The following GSN variants were observed in gnomAD, a reference collection of about 807,000 sequenced individuals.
GSN encodes the protein actin-depolymerizing factor.
In GSN, 56 loss-of-function variants were observed where a neutral mutation model predicts 85.7. That is an observed-to-expected ratio of 0.65 (90% CI 0.53 to 0.82). GSN has a LOEUF of 0.82. GSN is among the 40% of genes least tolerant of loss of function. The pLI, the probability that GSN is intolerant of heterozygous loss-of-function variation, is 0.00. For missense variants in GSN, 857 were observed against 979.8 expected (o/e 0.87, Z 1.67); for synonymous variants, 373 against 399.1 (o/e 0.93, Z 0.78).
intron 6 of GSN, chr9:121,313,212 T>A (rs1388627813): frequency 6.5e-6 from 1 of 154,824 alleles, no homozygotes; most frequent in Non-Finnish European, 1.4e-5. Context: ...TTTCTGGTAG[T>A]TTTTGGCCCA....
chr9:121,303,540 T>C (rs982684753), intron 4 of GSN, among the ~76,000 whole-genome samples: 2 of 152,174 alleles, frequency 1.3e-5, no homozygotes, highest in African/African-American at 4.8e-5. Context: ...CTCTTCAGAG[T>C]CTGGATCAAG....
At position 121,279,072 on chromosome 9, in the gene GSN, G is replaced by T. The variant is rs553624951; in HGVS notation, c.-102-2398G>T. Reference sequence around the variant, plus strand: ...GGGATACATGGGAGCAATTGGGGAGGCTGACTTGCAAATAGACTATTACAG... The same window carrying T: ...GGGATACATGGGAGCAATTGGGGAGTCTGACTTGCAAATAGACTATTACAG... On this transcript the variant is annotated intron_variant, in intron 1 of 17. Transcript: ENST00000432226. Among the ~76,000 whole-genome samples, 26 of 152,318 alleles carry T rather than the reference G, an allele frequency of 1.7e-4. 1 individual carries two copies. In the South Asian group the frequency reaches 5.4e-3, roughly 32 times the overall value.
At chr9:121,288,550 C>A (rs936702589) in intron 2 of GSN, among the ~76,000 whole-genome samples, 1 of 152,152 alleles carries the variant, frequency 6.6e-6, no homozygotes, top group Non-Finnish European at 1.5e-5. Flanking sequence ...TACTTTAATC[C>A]TCGGTGAATG....
chr9:121,231,005 T>C (rs1020725662), intron 4 of GSN, among the ~76,000 whole-genome samples: 1 of 152,188 alleles, frequency 6.6e-6, no homozygotes, highest in Non-Finnish European at 1.5e-5. Flanking sequence ...GAGCACCTAC[T>C]ACGTGCAGGG....
In GSN at chr9:121,332,430, G is replaced by A. The variant is rs767198984; in HGVS notation, c.2027-4G>A. On this transcript the variant is annotated splice_region_variant and splice_polypyrimidine_tract_variant and intron_variant, in intron 17 of 17. Transcript: ENST00000432226. The surrounding 1 kb of genome is among the most constrained non-coding windows in gnomAD (Gnocchi z 4.8). ...GTTTCCTTTTCTTGCACGTGTGTCT[G>A]CAGCTAAGCGGTACATCGAGACGGA... The A allele has an allele frequency of 6.2e-7, 1 of 1,613,752 alleles. No homozygotes were observed. The highest frequency in any genetic ancestry group is 1.3e-5 in the African/African-American group (1 of 74,926).
rs922767457 is a variant in GSN at position 121,239,024 on chromosome 9, G to A, written c.-389+7721G>A. Reference sequence around the variant, plus strand: ...TGTAGCTGTCTGTCCACATAGATCTGTCCCAGTCAGTTCAGAGATGGGTGA... The same window carrying A: ...TGTAGCTGTCTGTCCACATAGATCTATCCCAGTCAGTTCAGAGATGGGTGA... On this transcript the variant is annotated intron_variant, in intron 5 of 24. Transcript: ENST00000373823. 10 of 487,054 alleles carry A rather than the reference G, an allele frequency of 2.1e-5. No individual in the cohort carries two copies. The Admixed American group carries it at 2.1e-4, about 10-fold the overall frequency. The allele number at this position is 487,054 out of a possible 1,614,324, so 30.2% of individuals were successfully genotyped here.
chr9:121,287,843 A>C (rs1049116513), intron 2 of GSN, among the ~76,000 whole-genome samples: 2 of 152,192 alleles, frequency 1.3e-5, no homozygotes, highest in African/African-American at 2.4e-5. Flanking sequence ...TCCAGTTGAG[A>C]AGATTTTCAT....
rs11550202 is a variant in GSN, at chr9:121,332,745, A to G, written c.*142A>G. 1 of 631,750 alleles carries G rather than the reference A, an allele frequency of 1.6e-6. No individual in the cohort carries two copies. The highest frequency in any genetic ancestry group is 2.7e-6 in the Non-Finnish European group (1 of 369,612). 39.1% of individuals were successfully genotyped at this position (631,750 alleles called of 1,614,324 possible). A position where few individuals can be genotyped will look rare whatever the true frequency, so the allele number is the denominator to read the frequency against. On this transcript the variant is annotated 3_prime_UTR_variant, in exon 18 of 18. Transcript: ENST00000432226. This position sits in a 1 kb window ranked among gnomAD's most constrained non-coding sequence, Gnocchi z 4.8. ...TGTTTCTTTTTTTTTTTTTTACAGT[A>G]TCCAAAAATAGCCCTGCAAAAATTC...
In GSN at chr9:121,319,762, G is replaced by C. The variant is rs766226039; in HGVS notation, c.1191+882G>C. Among the ~76,000 whole-genome samples the C allele has an allele frequency of 6.4e-4, 97 of 152,160 alleles. 1 individual carries two copies. Among genetic ancestry groups the C allele is most frequent in the Admixed American group, 1.6e-3 (24 of 15,284 alleles). On this transcript the variant is annotated intron_variant, in intron 10 of 17. Coordinates refer to ENST00000432226, the MANE Select transcript of GSN (RefSeq NM_198252.3). ...AATGGATTGGAGGCAGGAAAATGAA[G>C]GTAGAGAGCTTATAAGGAGCTTGTT...
At position 121,313,919 on chromosome 9, in the gene GSN, C is replaced by T; in HGVS notation, c.664-15C>T. Reference sequence around the variant, plus strand: ...TCACAGCCACCCTTCCTCTCCATCTCTCTATCTCCTACAGGTGCTGGGCCC... The same window carrying T: ...TCACAGCCACCCTTCCTCTCCATCTTTCTATCTCCTACAGGTGCTGGGCCC... On this transcript the variant is annotated splice_polypyrimidine_tract_variant and intron_variant, in intron 6 of 17. Coordinates refer to ENST00000432226, the MANE Select transcript of GSN (RefSeq NM_198252.3). 2 of 1,603,286 alleles carry T rather than the reference C, an allele frequency of 1.2e-6. No homozygotes were observed. Among genetic ancestry groups the T allele is most frequent in the African/African-American group, 2.7e-5 (2 of 74,844 alleles).
At position 121,332,756 on chromosome 9, in the gene GSN, G is replaced by A. The variant is rs951519707; in HGVS notation, c.*153G>A. ...TTTTTTTTTACAGTATCCAAAAATAGCCCTGCAAAAATTCAGAGTCCTTGC... is the reference window on the plus strand; with the variant it reads ...TTTTTTTTTACAGTATCCAAAAATAACCCTGCAAAAATTCAGAGTCCTTGC... On this transcript the variant is annotated 3_prime_UTR_variant, in exon 18 of 18. Transcript: ENST00000432226. The surrounding 1 kb of genome is among the most constrained non-coding windows in gnomAD (Gnocchi z 4.8). 1.8e-5 allele frequency: 11 copies of A among 620,300 alleles called. No individual in the cohort carries two copies. The African/African-American group carries it at 1.9e-4, about 10-fold the overall frequency. 38.4% of individuals were successfully genotyped at this position (620,300 alleles called of 1,614,324 possible). A position where few individuals can be genotyped will look rare whatever the true frequency, so the allele number is the denominator to read the frequency against.
At chr9:121,219,476 A>G (rs2054127498) in intron 4 of GSN, among the ~76,000 whole-genome samples, 1 of 152,164 alleles carries the variant, frequency 6.6e-6, no homozygotes, top group Non-Finnish European at 1.5e-5. Context: ...AGAACAGCAC[A>G]TTCCAGGCAG....
At chr9:121,331,985 G>C (rs903942336) in intron 17 of GSN, 4 of 229,342 alleles carry the variant, frequency 1.7e-5, no homozygotes, top group African/African-American at 9.0e-5. Flanking sequence ...GAGCCCAGGA[G>C]TTCACGGCTG....
chr9:121,290,831 T>A (rs1279991058), intron 2 of GSN, among the ~76,000 whole-genome samples: 7 of 152,188 alleles, frequency 4.6e-5, no homozygotes, highest in Admixed American at 4.6e-4. Flanking sequence ...TATTTTTAAA[T>A]TTTTATTTTT....
At chr9:121,275,844 G>A (rs1055980471) in intron 1 of GSN, among the ~76,000 whole-genome samples, 1 of 152,134 alleles carries the variant, frequency 6.6e-6, no homozygotes. Flanking sequence ...CAGAAATGTG[G>A]GATTTCAGAC....
intron 1 of GSN, among the ~76,000 whole-genome samples, chr9:121,275,765 G>A (rs952836497): frequency 1.3e-5 from 2 of 152,188 alleles, no homozygotes; most frequent in African/African-American, 2.4e-5. Flanking sequence ...ATTCATGGTT[G>A]CATAAAATAT....
intron 6 of GSN, among the ~76,000 whole-genome samples, chr9:121,250,023 A>G (rs781116314): frequency 1.3e-5 from 2 of 152,132 alleles, no homozygotes; most frequent in African/African-American, 4.8e-5. Flanking sequence ...CTTGGAGATG[A>G]TGCTACCTTA....
At chr9:121,249,543 A>G (rs2054773264) in intron 6 of GSN, among the ~76,000 whole-genome samples, 1 of 152,158 alleles carries the variant, frequency 6.6e-6, no homozygotes, top group Non-Finnish European at 1.5e-5. Context: ...ATTCCTTCCC[A>G]AATAACATGT....
chr9:121,206,720 GAA>G (rs978546555), upstream of GSN, among the ~76,000 whole-genome samples: 1 of 143,558 alleles, frequency 7.0e-6, no homozygotes, highest in Admixed American at 6.9e-5. Flanking sequence ...CATGTTACAT[GAA>G]AAAAAAAAAA....
Sources: allele counts gnomAD v4.1 joint callset (sites outside exome capture counted in the v4.1 genomes callset), GRCh38; gene constraint gnomAD v4.1.1; non-coding constraint Gnocchi (gnomAD v3.1); transcripts MANE v1.5; gene names NCBI Gene and HGNC (gene_info 2026-07-23, HGNC 2026-07-21).